Variants in MELK observed in about 807,000 individuals in gnomAD.
MELK encodes the protein pEg3 kinase.
MELK carries 81 observed loss-of-function variants against 85.0 expected under a neutral mutation model. The ratio of observed to expected loss-of-function variants is 0.95; its 90% confidence interval spans 0.80 to 1.15. The LOEUF is 1.15. Among genes scored for constraint, MELK ranks in the 50% most tolerant of loss-of-function variants. The pLI is 0.00. For missense variants in MELK, 754 were observed against 777.5 expected, an observed-to-expected ratio of 0.97 and a Z score of 0.36; for synonymous variants, 252 against 265.0, an observed-to-expected ratio of 0.95 and a Z score of 0.48.
intron 11 of MELK, among the ~76,000 whole-genome samples, chr9:36,650,722 T>C (rs1317653261): frequency 6.6e-6 from 1 of 152,182 alleles, no homozygotes; most frequent in African/African-American, 2.4e-5. Context: ...GAAAGAAGAA[T>C]ACTTAGGATC....
Position 36,677,495 on chromosome 9 carries a change from A to T in MELK, c.*158A>T. On this transcript the variant is annotated 3_prime_UTR_variant, in exon 18 of 18. Transcript: ENST00000298048. Reference sequence around the variant, plus strand: ...ATCTCTTTGTTTTTAAACAAAAGATATTATTTTGTGTATGAATCTAAATCA... The same window carrying T: ...ATCTCTTTGTTTTTAAACAAAAGATTTTATTTTGTGTATGAATCTAAATCA... 1 of 599,344 alleles carries T rather than the reference A, an allele frequency of 1.7e-6. No homozygotes were observed. The highest frequency in any genetic ancestry group is 2.6e-6 in the Non-Finnish European group (1 of 377,404). 37.1% of individuals were successfully genotyped at this position (599,344 alleles called of 1,614,324 possible).
At chr9:36,669,856 A>G (rs1469817771) in intron 15 of MELK, among the ~76,000 whole-genome samples, 1 of 129,956 alleles carries the variant, frequency 7.7e-6, no homozygotes, top group Admixed American at 8.5e-5. Context: ...CAATTTCTTA[A>G]AGGCATTGTC....
chr9:36,676,578 A>G (rs940854582), intron 17 of MELK, among the ~76,000 whole-genome samples: 3 of 152,150 alleles, frequency 2.0e-5, no homozygotes, highest in Non-Finnish European at 4.4e-5. Context: ...ATGGGAATAT[A>G]CCATTTCCTT....
chr9:36,644,518 G>GA (rs1470513705), intron 11 of MELK, among the ~76,000 whole-genome samples: 1 of 152,156 alleles, frequency 6.6e-6, no homozygotes, highest in Non-Finnish European at 1.5e-5. Context: ...AATGTATCTG[G>GA]AAATGGTAGT....
intron 14 of MELK, among the ~76,000 whole-genome samples, chr9:36,666,277 A>G (rs188391583): frequency 2.8e-4 from 43 of 152,316 alleles, no homozygotes; most frequent in Non-Finnish European, 5.3e-4. Context: ...CAGTGCCTAG[A>G]ACTAAACTGA....
intron 1 of MELK, among the ~76,000 whole-genome samples, chr9:36,577,809 G>A (rs1341460582): frequency 1.3e-5 from 2 of 151,896 alleles, no homozygotes; most frequent in East Asian, 1.9e-4. Context: ...GGGCCACCAC[G>A]CCTGGCTAAT....
chr9:36,627,053 A>ACACACACACAC (rs1554725931), intron 8 of MELK, among the ~76,000 whole-genome samples: 1 of 140,872 alleles, frequency 7.1e-6, no homozygotes, highest in African/African-American at 2.6e-5. Flanking sequence ...CACAAGCGCA[A>ACACACACACAC]ACACACACAC....
chr9:36,579,254 C>T (rs60966700), intron 1 of MELK, among the ~76,000 whole-genome samples: 2,932 of 152,070 alleles, frequency 0.019, 81 homozygotes, highest in African/African-American at 0.063. Context: ...CTCGAACTCC[C>T]GACCTCAGGT....
chr9:36,665,391 A>T lies in MELK; in HGVS notation c.1218A>T (p.Lys406Asn). 1 of 1,613,692 alleles carries T rather than the reference A, an allele frequency of 6.2e-7. No homozygotes were observed. Among genetic ancestry groups the T allele is most frequent in the Non-Finnish European group, 8.5e-7 (1 of 1,179,816 alleles). ...YWTESNGVES[K>N]SLTPALCRTP... ...CAGAATCAAATGGGGTGGAATCTAAATCATTAACTCCAGCCTTATGCAGAA... is the reference window on the plus strand; with the variant it reads ...CAGAATCAAATGGGGTGGAATCTAATTCATTAACTCCAGCCTTATGCAGAA... Residue 406 changes from lysine (K) to asparagine (N), a missense_variant, in exon 14 of 18, where the codon AAA (lysine) becomes AAT (asparagine). Physicochemically the swap from Lys to Asn is moderately conservative, Grantham distance 94 (BLOSUM62 0). Coordinates refer to ENST00000298048, the MANE Select transcript of MELK (RefSeq NM_014791.4).
In MELK at chr9:36,608,560, G is replaced by T. The variant is rs1270806186; in HGVS notation, c.666+887G>T. Among the ~76,000 whole-genome samples the T allele has an allele frequency of 2.0e-5, 3 of 151,804 alleles. No individual in the cohort carries two copies. The East Asian group carries it at 5.8e-4, about 29-fold the overall frequency. Reference sequence around the variant, plus strand: ...ATTCAGTTTTTGAAAACTCATTGAGGTGTACTCTTACGTTATACAAACTTC... The same window carrying T: ...ATTCAGTTTTTGAAAACTCATTGAGTTGTACTCTTACGTTATACAAACTTC... On this transcript the variant is annotated intron_variant, in intron 8 of 17. Transcript: ENST00000298048.
At chr9:36,667,734 CTT>C (rs1016112508) in intron 14 of MELK, among the ~76,000 whole-genome samples, 2 of 152,020 alleles carry the variant, frequency 1.3e-5, no homozygotes, top group African/African-American at 4.8e-5. Context: ...ATTTTTCTTT[CTT>C]TTCTTTTTTC....
chr9:36,608,868 C>T (rs2135881186), intron 8 of MELK, among the ~76,000 whole-genome samples: 1 of 152,340 alleles, frequency 6.6e-6, no homozygotes, highest in South Asian at 2.1e-4. Flanking sequence ...CAGGCATGAG[C>T]CACCGCACCC....
chr9:36,665,250 T>C, intron 13 of MELK, 100 bp from the exon 14 acceptor site: 1 of 683,900 alleles, frequency 1.5e-6, no homozygotes, highest in South Asian at 2.0e-5. Context: ...TTCATTTTAA[T>C]AAAAATAGTA....
intron 10 of MELK, among the ~76,000 whole-genome samples, chr9:36,636,790 G>T (rs5027636): frequency 0.039 from 2,603 of 66,974 alleles, 138 homozygotes; most frequent in African/African-American, 0.09. Context: ...CTTTCTGTCT[G>T]TCTTTCTTTC....
chr9:36,616,387 CTTT>C lies in MELK; in HGVS notation c.666+8732_666+8734del, dbSNP rs60212848. 4.8e-4 allele frequency among the ~76,000 whole-genome samples: 55 copies of C among 114,616 alleles called. 1 individual carries two copies. Among genetic ancestry groups the C allele is most frequent in the African/African-American group, 1.4e-3 (43 of 30,180 alleles). The allele number at this position is 114,616 out of a possible 152,430, so 75.2% of individuals were successfully genotyped here. The stretch of plus-strand genomic sequence containing the variant: ...TTAAAGGTATCTAGCATGTCAAACT[CTTT>C]TTTTTTTTTTTTTTTTTAAGGCAGA... On this transcript the variant is annotated intron_variant, in intron 8 of 17. Coordinates refer to ENST00000298048, the MANE Select transcript of MELK (RefSeq NM_014791.4).
chr9:36,605,417 C>T (rs1825386581), intron 7 of MELK, among the ~76,000 whole-genome samples: 1 of 151,992 alleles, frequency 6.6e-6, no homozygotes, highest in Non-Finnish European at 1.5e-5. Flanking sequence ...CCATGTTGAC[C>T]AGGCTGGTCT....
At chr9:36,630,726 T>C (rs985267368) in intron 9 of MELK, among the ~76,000 whole-genome samples, 21 of 152,238 alleles carry the variant, frequency 1.4e-4, no homozygotes, top group African/African-American at 4.1e-4. Context: ...TGATCTTGGC[T>C]CACTGCAACC....
chr9:36,600,675 G>A lies in MELK; in HGVS notation c.567+1189G>A, dbSNP rs559904009. On this transcript the variant is annotated intron_variant, in intron 7 of 17. Transcript: ENST00000298048. ...GCTGGGATTACAGGAGTGAGCCACC[G>A]TGCCCGGCTCTGGCCTCCAAATCTT... 4.6e-5 allele frequency among the ~76,000 whole-genome samples: 7 copies of A among 152,256 alleles called. No homozygotes were observed. The South Asian group carries it at 1.4e-3, about 32-fold the overall frequency.
At chr9:36,672,197 C>T (rs1190714605) in intron 16 of MELK, among the ~76,000 whole-genome samples, 1 of 152,126 alleles carries the variant, frequency 6.6e-6, no homozygotes, top group Non-Finnish European at 1.5e-5. Flanking sequence ...TATCCACTAG[C>T]AGTCATTACC....
Sources: allele counts gnomAD v4.1 joint callset (sites outside exome capture counted in the v4.1 genomes callset), GRCh38; gene constraint gnomAD v4.1.1; transcripts MANE v1.5; gene names NCBI Gene and HGNC (gene_info 2026-07-23, HGNC 2026-07-21).